Variants in TENM3 observed in about 807,000 individuals in gnomAD.
The protein encoded by TENM3 is teneurin transmembrane protein 3.
TENM3 carries 63 observed loss-of-function variants against 255.1 expected under a neutral mutation model. The observed-to-expected ratio is 0.25, with a 90% CI of 0.20 to 0.30. The LOEUF (loss-of-function observed/expected upper bound fraction) is 0.30. Ranked by LOEUF, TENM3 falls within the 10% of genes least tolerant of loss-of-function variation. The probability of loss-of-function intolerance (pLI) is 1.00; values close to 1 mark genes in which losing one functional copy is unlikely to be tolerated. For synonymous variants in TENM3, 1,306 were observed against 1,322.3 expected (o/e 0.99, Z 0.27); for missense variants, 2,929 against 3,461.1 (o/e 0.85, Z 3.86).
At chr4:181,498,100 A>C in the TENM3 span, among the ~76,000 whole-genome samples, 1 of 152,160 alleles carries the variant, frequency 6.6e-6, no homozygotes, top group Admixed American at 6.5e-5. Flanking sequence ...CAATTAATTC[A>C]GAGGTAGAAG....
the TENM3 span, among the ~76,000 whole-genome samples, chr4:181,989,914 A>T: frequency 1.3e-5 from 2 of 152,136 alleles, no homozygotes; most frequent in African/African-American, 4.8e-5. Context: ...TAAGAAATGC[A>T]GTTTCTCTAG....
chr4:181,842,013 C>A, the TENM3 span, among the ~76,000 whole-genome samples: 70 of 152,198 alleles, frequency 4.6e-4, 1 homozygote, highest in South Asian at 2.5e-3. Flanking sequence ...TCATATTTCA[C>A]ATATCTATAT....
At chr4:182,379,953 TCAACAA>T (rs376801266) in intron 3 of TENM3, among the ~76,000 whole-genome samples, 6 of 151,988 alleles carry the variant, frequency 3.9e-5, no homozygotes, top group Non-Finnish European at 7.4e-5. Flanking sequence ...GCTAGCTATT[TCAACAA>T]CAACAACAAC....
intron 1 of TENM3, among the ~76,000 whole-genome samples, chr4:182,288,243 T>G (rs753870041): frequency 3.9e-5 from 6 of 152,108 alleles, no homozygotes; most frequent in Non-Finnish European, 7.4e-5. Context: ...GCCTATTTAT[T>G]TATTTTTAAT....
At chr4:182,662,933 A>G (rs1754350181) in intron 6 of TENM3, among the ~76,000 whole-genome samples, 1 of 152,222 alleles carries the variant, frequency 6.6e-6, no homozygotes, top group Non-Finnish European at 1.5e-5. Flanking sequence ...ATTTAAAGAC[A>G]AAGCCCCTTC....
chr4:181,501,441 C>T, the TENM3 span, among the ~76,000 whole-genome samples: 8 of 150,592 alleles, frequency 5.3e-5, no homozygotes, highest in African/African-American at 7.4e-5. Context: ...TGCAGTGGTG[C>T]GATCTCAGCT....
intron 18 of TENM3, among the ~76,000 whole-genome samples, chr4:182,740,781 A>G (rs1761541886): frequency 6.6e-6 from 1 of 152,238 alleles, no homozygotes; most frequent in African/African-American, 2.4e-5. Context: ...CACATATTCT[A>G]AACCAGAATA....
intron 5 of TENM3, among the ~76,000 whole-genome samples, chr4:182,632,625 T>C (rs936639958): frequency 1.3e-5 from 2 of 152,152 alleles, no homozygotes; most frequent in African/African-American, 4.8e-5. Context: ...AAAAGGCTAT[T>C]TTCAATTAAG....
chr4:181,914,319 C>A, the TENM3 span, among the ~76,000 whole-genome samples: 2 of 152,296 alleles, frequency 1.3e-5, no homozygotes, highest in East Asian at 3.9e-4. Flanking sequence ...CTAATCTCTA[C>A]CAATGGCCTC....
chr4:182,743,889 A>G (rs913557874), intron 19 of TENM3, among the ~76,000 whole-genome samples: 6 of 152,172 alleles, frequency 3.9e-5, no homozygotes, highest in African/African-American at 1.4e-4. Context: ...CATAATGCCA[A>G]TAGTAAAAGT....
At chr4:182,461,153 C>T (rs1774293690) in intron 3 of TENM3, among the ~76,000 whole-genome samples, 1 of 152,200 alleles carries the variant, frequency 6.6e-6, no homozygotes, top group African/African-American at 2.4e-5. Flanking sequence ...CATTCACTTT[C>T]CTGCCTTAAA....
chr4:182,249,965 A>C (rs1365001776), intron 1 of TENM3, among the ~76,000 whole-genome samples: 2 of 151,532 alleles, frequency 1.3e-5, no homozygotes, highest in Non-Finnish European at 2.9e-5. Flanking sequence ...TATGTTGTCT[A>C]GGCTTAGTCA....
the TENM3 span, among the ~76,000 whole-genome samples, chr4:182,055,336 C>T: frequency 1.6e-5 from 2 of 123,896 alleles, no homozygotes; most frequent in Non-Finnish European, 3.2e-5. Context: ...CAGAGCAAGA[C>T]CATGTCTCAA....
chr4:181,748,008 T>C, the TENM3 span, among the ~76,000 whole-genome samples: 1 of 152,174 alleles, frequency 6.6e-6, no homozygotes, highest in Admixed American at 6.6e-5. Context: ...CATCTAGCTA[T>C]GCTAATTATT....
chr4:182,623,988 CTCTTTGAGA>C (rs374008221), intron 4 of TENM3, among the ~76,000 whole-genome samples: 5 of 152,154 alleles, frequency 3.3e-5, no homozygotes, highest in African/African-American at 1.2e-4. Flanking sequence ...GCGTTTATTT[CTCTTTGAGA>C]TCCTGTTATC....
At chr4:182,008,760 T>C in the TENM3 span, among the ~76,000 whole-genome samples, 17 of 152,218 alleles carry the variant, frequency 1.1e-4, no homozygotes, top group South Asian at 2.1e-4. Context: ...TTCTGCGCCC[T>C]TGATGGAGAG....
the TENM3 span, among the ~76,000 whole-genome samples, chr4:181,848,385 T>C: frequency 2.0e-5 from 3 of 152,162 alleles, no homozygotes; most frequent in East Asian, 1.9e-4. Flanking sequence ...TCCTTTAAAG[T>C]CTATCGATGG....
intron 5 of TENM3, among the ~76,000 whole-genome samples, chr4:182,644,122 TG>T (rs1423488523): frequency 1.3e-5 from 2 of 152,168 alleles, no homozygotes; most frequent in African/African-American, 4.8e-5. Flanking sequence ...GACTGATGGC[TG>T]GGTGCTCGGG....
the TENM3 span, among the ~76,000 whole-genome samples, chr4:181,812,874 A>G: frequency 1.3e-5 from 2 of 152,168 alleles, no homozygotes; most frequent in South Asian, 2.1e-4. Flanking sequence ...TACTAGGGCT[A>G]AAACCCCTGT....
Sources: allele counts gnomAD v4.1 joint callset (sites outside exome capture counted in the v4.1 genomes callset), GRCh38; gene constraint gnomAD v4.1.1; transcripts MANE v1.5; gene names NCBI Gene and HGNC (gene_info 2026-07-23, HGNC 2026-07-21).